The following IKZF2 variants were observed in gnomAD, a reference collection of about 807,000 sequenced individuals.
IKZF2 encodes zinc finger protein Helios.
Under a neutral mutation model 49.2 loss-of-function variants are expected in IKZF2, and 15 were observed. The ratio of observed to expected loss-of-function variants is 0.30; its 90% CI spans 0.20 to 0.47. IKZF2 has a LOEUF of 0.47. Among genes scored for constraint, IKZF2 ranks in the 20% least tolerant of loss-of-function variants. IKZF2 has a pLI of 1.00. For synonymous variants in IKZF2, 227 were observed against 221.4 expected (o/e 1.03, Z -0.23); for missense variants, 567 against 664.6 (o/e 0.85, Z 1.61).
intron 4 of IKZF2, among the ~76,000 whole-genome samples, chr2:213,090,096 C>A (rs1182513832): frequency 1.3e-5 from 2 of 152,100 alleles, no homozygotes; most frequent in Non-Finnish European, 2.9e-5. Flanking sequence ...TGCCAATGGA[C>A]CTCCTGAGCT....
intron 2 of IKZF2, 149 bp from the exon 3 acceptor site, chr2:213,148,793 A>C: frequency 1.7e-6 from 1 of 585,574 alleles, no homozygotes; most frequent in Non-Finnish European, 3.1e-6. Flanking sequence ...GTATGTGCTC[A>C]TTTGCAAGTC....
intron 4 of IKZF2, among the ~76,000 whole-genome samples, chr2:213,118,200 A>G (rs2059937550): frequency 6.6e-6 from 1 of 152,184 alleles, no homozygotes; most frequent in Non-Finnish European, 1.5e-5. Flanking sequence ...ATTTTTGCAA[A>G]ATATATTTTG....
intron 6 of IKZF2, among the ~76,000 whole-genome samples, chr2:213,030,928 T>C (rs549609249): frequency 8.4e-4 from 127 of 151,526 alleles, no homozygotes; most frequent in Non-Finnish European, 1.2e-3. Flanking sequence ...TGGGTTCAAA[T>C]GATTCTCCAG....
intron 4 of IKZF2, among the ~76,000 whole-genome samples, chr2:213,075,270 G>C (rs771436995): frequency 6.9e-6 from 1 of 144,354 alleles, no homozygotes; most frequent in African/African-American, 2.4e-5. Flanking sequence ...CAATCTATTG[G>C]CACATGCTGT....
At chr2:213,034,711 T>C (rs28559572) in intron 6 of IKZF2, among the ~76,000 whole-genome samples, 2,737 of 152,238 alleles carry the variant, frequency 0.018, 68 homozygotes, top group African/African-American at 0.063. Flanking sequence ...AAAACAGACA[T>C]AATAATGAGC....
chr2:213,060,394 A>G (rs1348213688), intron 4 of IKZF2, among the ~76,000 whole-genome samples: 6 of 151,456 alleles, frequency 4.0e-5, no homozygotes, highest in African/African-American at 9.7e-5. Flanking sequence ...AATTACAACT[A>G]TTAACCACTG....
At chr2:213,086,884 G>A (rs1319779873) in intron 4 of IKZF2, among the ~76,000 whole-genome samples, 1 of 152,054 alleles carries the variant, frequency 6.6e-6, no homozygotes, top group Non-Finnish European at 1.5e-5. Flanking sequence ...ACGTTATACT[G>A]GCTAAGACTG....
At chr2:213,144,685 C>T (rs2060984395) in intron 4 of IKZF2, among the ~76,000 whole-genome samples, 1 of 151,822 alleles carries the variant, frequency 6.6e-6, no homozygotes, top group South Asian at 2.1e-4. Context: ...TCCCTGACAC[C>T]GAAGATTGTC....
intron 7 of IKZF2, among the ~76,000 whole-genome samples, chr2:213,019,369 T>A (rs889893020): frequency 6.6e-6 from 1 of 152,106 alleles, no homozygotes; most frequent in East Asian, 1.9e-4. Flanking sequence ...TTCATCATGG[T>A]TCTGTTTAAA....
intron 5 of IKZF2, chr2:213,056,543 T>C (rs1701169134): frequency 2.0e-6 from 1 of 506,886 alleles, no homozygotes; most frequent in Admixed American, 3.2e-5. Context: ...AAGATTAAGT[T>C]ACACAATGAA....
intron 4 of IKZF2, among the ~76,000 whole-genome samples, chr2:213,109,054 T>G (rs1375036872): frequency 6.6e-6 from 1 of 152,128 alleles, no homozygotes; most frequent in East Asian, 1.9e-4. Context: ...AGCACATGGT[T>G]TTTAACAGCT....
At chr2:213,037,219 CT>C (rs1171959239) in intron 6 of IKZF2, among the ~76,000 whole-genome samples, 2 of 152,162 alleles carry the variant, frequency 1.3e-5, no homozygotes, top group African/African-American at 2.4e-5. Context: ...TTGTCCATTT[CT>C]TTAGAACTCC....
At chr2:213,049,504 T>C (rs1047027394) in intron 6 of IKZF2, among the ~76,000 whole-genome samples, 1 of 152,134 alleles carries the variant, frequency 6.6e-6, no homozygotes, top group Non-Finnish European at 1.5e-5. Flanking sequence ...TACTCTTCAG[T>C]TGACAGTGCT....
chr2:213,094,275 GTAAC>G (rs2125663223), intron 4 of IKZF2, among the ~76,000 whole-genome samples: 1 of 152,232 alleles, frequency 6.6e-6, no homozygotes, highest in East Asian at 1.9e-4. Context: ...GAGGTAAAGA[GTAAC>G]TAAGGGGCTA....
chr2:213,077,093 T>C (rs1164516864), intron 4 of IKZF2, among the ~76,000 whole-genome samples: 1 of 152,176 alleles, frequency 6.6e-6, no homozygotes, highest in Non-Finnish European at 1.5e-5. Context: ...TTATCCATCT[T>C]ATATACATGA....
At chr2:213,071,955 T>C (rs1702752035) in intron 4 of IKZF2, among the ~76,000 whole-genome samples, 1 of 151,956 alleles carries the variant, frequency 6.6e-6, no homozygotes, top group Admixed American at 6.6e-5. Context: ...AAACCTAAAA[T>C]GAAACCTCTT....
intron 4 of IKZF2, among the ~76,000 whole-genome samples, chr2:213,080,279 T>C (rs1703802371): frequency 6.6e-6 from 1 of 152,200 alleles, no homozygotes; most frequent in South Asian, 2.1e-4. Flanking sequence ...ACCCATAATT[T>C]ACAAATACTG....
chr2:213,017,666 C>G (rs1307237874), intron 7 of IKZF2, among the ~76,000 whole-genome samples: 1 of 152,174 alleles, frequency 6.6e-6, no homozygotes, highest in African/African-American at 2.4e-5. Context: ...GTTGTTCTTT[C>G]TGCAGGAAAC....
intron 4 of IKZF2, among the ~76,000 whole-genome samples, chr2:213,096,965 T>G (rs1274769146): frequency 6.6e-6 from 1 of 152,012 alleles, no homozygotes; most frequent in Non-Finnish European, 1.5e-5. Context: ...ATTTCATTGA[T>G]TGGAAATAAA....
Sources: gnomAD v4.1 joint callset for allele counts (sites outside exome capture counted in the v4.1 genomes callset) on GRCh38, gnomAD v4.1.1 for gene constraint, MANE v1.5 for transcripts, NCBI Gene and HGNC (gene_info 2026-07-23, HGNC 2026-07-21) for gene names.